Variants in CMTM4 observed in about 807,000 individuals in gnomAD.
CMTM4 encodes CKLF-like MARVEL transmembrane domain-containing protein 4.
A neutral mutation model predicts 19.0 loss-of-function variants in CMTM4; 8 were observed. The observed-to-expected ratio is 0.42, with a 90% confidence interval of 0.25 to 0.76. The LOEUF (loss-of-function observed/expected upper bound fraction) is 0.76. Ranked by LOEUF, CMTM4 falls within the 30% of genes least tolerant of loss-of-function variation. The pLI is 0.27. For missense variants in CMTM4, 228 were observed against 290.2 expected, an observed-to-expected ratio of 0.79 and a Z score of 1.56; for synonymous variants, 106 against 121.1, an observed-to-expected ratio of 0.88 and a Z score of 0.82.
chr16:66,600,134 GTGT>G, the CMTM4 span, among the ~76,000 whole-genome samples: 1 of 129,806 alleles, frequency 7.7e-6, no homozygotes, highest in Non-Finnish European at 1.6e-5. Flanking sequence ...GTGTGTGTGT[GTGT>G]TTTTTTTTGT....
intron 1 of CMTM4, among the ~76,000 whole-genome samples, chr16:66,647,273 G>A (rs1035470366): frequency 4.8e-5 from 7 of 146,896 alleles, no homozygotes; most frequent in Admixed American, 1.4e-4. Flanking sequence ...ACAGTGAGCC[G>A]AGATCATGCC....
chr16:66,646,968 A>G (rs959155064), intron 1 of CMTM4, among the ~76,000 whole-genome samples: 10 of 151,476 alleles, frequency 6.6e-5, no homozygotes, highest in African/African-American at 1.7e-4. Flanking sequence ...CGGCCTCCCA[A>G]AGTGCTGGGA....
intron 1 of CMTM4, among the ~76,000 whole-genome samples, chr16:66,685,700 G>A (rs1346690033): frequency 6.6e-6 from 1 of 152,170 alleles, no homozygotes; most frequent in Admixed American, 6.5e-5. Context: ...CTGGAGTGCA[G>A]TGGTGCAATT....
At chr16:66,637,463 G>C (rs2016016344) in intron 1 of CMTM4, among the ~76,000 whole-genome samples, 1 of 152,148 alleles carries the variant, frequency 6.6e-6, no homozygotes, top group Non-Finnish European at 1.5e-5. Flanking sequence ...AGAATCGCAT[G>C]AACCTGGGAG....
intron 1 of CMTM4, among the ~76,000 whole-genome samples, chr16:66,678,651 T>C (rs555613743): frequency 6.6e-6 from 1 of 152,306 alleles, no homozygotes; most frequent in Admixed American, 6.5e-5. Context: ...TTGATTCAAC[T>C]CCAAGCCAGA....
At chr16:66,678,157 C>T (rs150276476) in intron 1 of CMTM4, among the ~76,000 whole-genome samples, 7 of 152,122 alleles carry the variant, frequency 4.6e-5, no homozygotes, top group Non-Finnish European at 1.0e-4. Flanking sequence ...GCTTGGGCAA[C>T]ACAGTGAGGC....
At position 66,619,990 on chromosome 16, in the gene CMTM4, C is replaced by A. The variant is rs2015599258; in HGVS notation, c.*2068G>T. On this transcript the variant is annotated 3_prime_UTR_variant, in exon 4 of 4. Coordinates refer to ENST00000394106, the MANE Select transcript of CMTM4 (RefSeq NM_181521.3). Reference sequence around the variant, plus strand: ...ATATCCTCAGGAGGCCAACCACCTGCCCCCCTCTTTCACCAGATGATCAAG... The same window carrying A: ...ATATCCTCAGGAGGCCAACCACCTGACCCCCTCTTTCACCAGATGATCAAG... The A allele has an allele frequency of 2.0e-6, 2 of 985,376 alleles. No individual in the cohort carries two copies. Among genetic ancestry groups the A allele is most frequent in the South Asian group, 9.4e-5 (2 of 21,286 alleles). The allele number at this position is 985,376 out of a possible 1,614,324, so 61.0% of individuals were successfully genotyped here.
In CMTM4 at chr16:66,696,602, A is replaced by ATCG. The variant is rs999154081; in HGVS notation, c.-80_-78dup. The ATCG allele has an allele frequency of 3.6e-5, 31 of 865,384 alleles. No individual in the cohort carries two copies. The highest frequency in any genetic ancestry group is 2.2e-4 in the African/African-American group (12 of 53,518). 53.6% of individuals were successfully genotyped at this position (865,384 alleles called of 1,614,324 possible). On this transcript the variant is annotated 5_prime_UTR_variant, in exon 1 of 4. In the 5' UTR this introduces an upstream ATG that the reference lacks. Coordinates refer to ENST00000394106, the MANE Select transcript of CMTM4 (RefSeq NM_181521.3). This position sits in a 1 kb window ranked among gnomAD's most constrained non-coding sequence, Gnocchi z 4.3. ...CGGGCGGACTCAGCGGGGCCGCCGC[A>ATCG]TCGCCGCCGCCGCCGCCGCCGCCGC...
rs371737613 is a variant in CMTM4, at chr16:66,633,102, AATAT to A, written c.363+3299_363+3302del. Among the ~76,000 whole-genome samples the A allele has an allele frequency of 1.2e-4, 12 of 97,408 alleles. 2 individuals carry two copies. The highest frequency in any genetic ancestry group is 5.7e-4 in the African/African-American group (12 of 21,236). The allele number at this position is 97,408 out of a possible 152,430, so 63.9% of individuals were successfully genotyped here. ...CTCCGTTTCAAAATATATATATATAAATATATATATATATAAATATATATATATA... is the reference window on the plus strand; with the variant it reads ...CTCCGTTTCAAAATATATATATATAAATATATATATAAATATATATATATA... On this transcript the variant is annotated intron_variant, in intron 2 of 3. Coordinates refer to ENST00000394106, the MANE Select transcript of CMTM4 (RefSeq NM_181521.3).
chr16:66,672,414 G>A (rs1299742804), intron 1 of CMTM4, among the ~76,000 whole-genome samples: 2 of 128,754 alleles, frequency 1.6e-5, no homozygotes, highest in African/African-American at 3.0e-5. Context: ...GCAAGACTAC[G>A]TCTCAAAAAA....
rs2015652608 is a variant in CMTM4 at position 66,622,237 on chromosome 16, GCA to G, written c.463-17_463-16del. The G allele has an allele frequency of 2.5e-6, 4 of 1,612,634 alleles. No individual in the cohort carries two copies. The highest frequency in any genetic ancestry group is 1.3e-5 in the African/African-American group (1 of 74,904). On this transcript the variant is annotated splice_polypyrimidine_tract_variant and intron_variant, in intron 3 of 3. Transcript: ENST00000394106. The surrounding 1 kb of genome is among the most constrained non-coding windows in gnomAD (Gnocchi z 4.0). The stretch of plus-strand genomic sequence containing the variant: ...AAGCCAAATATCTAAAAACACACCA[GCA>G]CAGTTAGTCCTCGGGCACGTGGCCT...
chr16:66,680,522 C>G (rs548960655), intron 1 of CMTM4, among the ~76,000 whole-genome samples: 159 of 151,068 alleles, frequency 1.1e-3, no homozygotes, highest in Non-Finnish European at 6.8e-4. Flanking sequence ...TGCCTGTAAT[C>G]CCAGCGCTTC....
intron 2 of CMTM4, among the ~76,000 whole-genome samples, chr16:66,627,596 A>G (rs554362381): frequency 1.3e-5 from 2 of 152,150 alleles, no homozygotes; most frequent in African/African-American, 4.8e-5. Flanking sequence ...GCAACCACCA[A>G]TCTGCTTTCT....
Position 66,683,129 on chromosome 16 carries a change from GTATATATATATATATA to G in CMTM4, c.186+13195_186+13210del, listed in dbSNP as rs751833787. On this transcript the variant is annotated intron_variant, in intron 1 of 3. Coordinates refer to ENST00000394106, the MANE Select transcript of CMTM4 (RefSeq NM_181521.3). ...TCTAGTTGTGTGTGTGTGTGTGTGT[GTATATATATATATATA>G]TGTATATATATATACGTATATATAT... Among the ~76,000 whole-genome samples, 167 of 115,786 alleles carry G rather than the reference GTATATATATATATATA, an allele frequency of 1.4e-3. 1 individual carries two copies. The highest frequency in any genetic ancestry group is 9.1e-3 in the South Asian group (30 of 3,280). The allele number at this position is 115,786 out of a possible 152,430, so 76.0% of individuals were successfully genotyped here.
chr16:66,664,740 G>A (rs1250588796), intron 1 of CMTM4, among the ~76,000 whole-genome samples: 2 of 151,350 alleles, frequency 1.3e-5, no homozygotes, highest in African/African-American at 4.9e-5. Flanking sequence ...GACTCCAAAA[G>A]AAAAGAGGAA....
intron 1 of CMTM4, among the ~76,000 whole-genome samples, chr16:66,638,709 A>C (rs959027674): frequency 1.3e-5 from 2 of 152,058 alleles, no homozygotes; most frequent in Non-Finnish European, 2.9e-5. Context: ...AAATACAAAA[A>C]TTAGATGGAC....
In CMTM4 at chr16:66,671,509, C is replaced by G. The variant is rs1402074190; in HGVS notation, c.186+24831G>C. 3.3e-5 allele frequency among the ~76,000 whole-genome samples: 5 copies of G among 152,340 alleles called. No homozygotes were observed. In the East Asian group the frequency reaches 9.6e-4, roughly 29 times the overall value. ...TCATAGGAAAACATCAGCGGGCTCA[C>G]TGATCCCTTCTAGAACTAACCATTC... On this transcript the variant is annotated intron_variant, in intron 1 of 3. Transcript: ENST00000394106.
chr16:66,634,407 T>G (rs964157869), intron 2 of CMTM4, among the ~76,000 whole-genome samples: 9 of 150,544 alleles, frequency 6.0e-5, no homozygotes, highest in Admixed American at 4.0e-4. Flanking sequence ...GCCACTGCAC[T>G]CCAGCCTGGG....
intron 1 of CMTM4, among the ~76,000 whole-genome samples, chr16:66,667,975 GT>G (rs11328076): frequency 0.094 from 14,132 of 150,882 alleles, 915 homozygotes; most frequent in East Asian, 0.25. Context: ...CTGTTTTTTT[GT>G]TTTTTTTGTG....
Sources: gnomAD v4.1 joint callset for allele counts (sites outside exome capture counted in the v4.1 genomes callset) on GRCh38, gnomAD v4.1.1 for gene constraint, Gnocchi (gnomAD v3.1) non-coding constraint, MANE v1.5 for transcripts, NCBI Gene and HGNC (gene_info 2026-07-23, HGNC 2026-07-21) for gene names.